Variants in PCSK1 observed in about 807,000 individuals in gnomAD.
PCSK1 encodes neuroendocrine convertase 1.
PCSK1 carries 56 observed loss-of-function variants against 90.6 expected under a neutral mutation model. That is an observed-to-expected ratio of 0.62 (90% confidence interval 0.50 to 0.77). PCSK1 has a LOEUF of 0.77. Among genes scored for constraint, PCSK1 ranks in the 30% least tolerant of loss-of-function variants. PCSK1 has a pLI of 0.00. For missense variants in PCSK1, 801 were observed against 932.6 expected (o/e 0.86, Z 1.84); for synonymous variants, 348 against 342.4 (o/e 1.02, Z -0.18).
At chr5:96,417,890 G>A (rs1035107614) in intron 5 of PCSK1, among the ~76,000 whole-genome samples, 1 of 152,176 alleles carries the variant, frequency 6.6e-6, no homozygotes, top group Non-Finnish European at 1.5e-5. Flanking sequence ...TGTCATCTCT[G>A]AGAAATGTAC....
intron 10 of PCSK1, 121 bp from the exon 11 acceptor site, chr5:96,399,157 A>G: frequency 2.7e-6 from 2 of 729,206 alleles, no homozygotes; most frequent in South Asian, 3.1e-5. Flanking sequence ...ACTCCCTGTG[A>G]TGTGTAGAAC....
At chr5:96,409,856 T>C (rs1006928019) in intron 8 of PCSK1, among the ~76,000 whole-genome samples, 1 of 152,238 alleles carries the variant, frequency 6.6e-6, no homozygotes, top group Admixed American at 6.5e-5. Flanking sequence ...ACAGCTTTAC[T>C]GTCTAAACTA....
At chr5:96,417,805 C>T (rs1479068773) in intron 5 of PCSK1, among the ~76,000 whole-genome samples, 1 of 152,214 alleles carries the variant, frequency 6.6e-6, no homozygotes, top group East Asian at 1.9e-4. Context: ...GTGCACACAT[C>T]TGAACATACA....
In PCSK1 at chr5:96,424,961, C is replaced by CAA. The variant is rs58930420; in HGVS notation, c.396+857_396+858dup. ...CTGGGCAACAAGAGCAAAACTCTGT[C>CAA]AAAAAAAAAAAGAAAGATAGAAAGA... On this transcript the variant is annotated intron_variant, in intron 3 of 13. Coordinates refer to ENST00000311106, the MANE Select transcript of PCSK1 (RefSeq NM_000439.5). 8.1e-4 allele frequency among the ~76,000 whole-genome samples: 77 copies of CAA among 94,760 alleles called. 1 individual carries two copies. Among genetic ancestry groups the CAA allele is most frequent in the South Asian group, 2.4e-3 (7 of 2,954 alleles). 62.2% of individuals were successfully genotyped at this position (94,760 alleles called of 152,430 possible). A position where few individuals can be genotyped will look rare whatever the true frequency, so the allele number is the denominator to read the frequency against.
chr5:96,401,131 A>G (rs1312766943), intron 9 of PCSK1, among the ~76,000 whole-genome samples: 2 of 151,036 alleles, frequency 1.3e-5, no homozygotes, highest in Admixed American at 1.3e-4. Flanking sequence ...CAATCCAGTA[A>G]AAAGAATTAA....
intron 9 of PCSK1, 64 bp downstream of exon 9, chr5:96,408,159 A>G (rs1760634086): frequency 8.6e-7 from 1 of 1,156,880 alleles, no homozygotes; most frequent in Non-Finnish European, 1.3e-6. Context: ...CAGAAAAAAA[A>G]GTGTTATTAA....
chr5:96,407,568 C>T (rs1196181742), intron 9 of PCSK1, among the ~76,000 whole-genome samples: 1 of 152,086 alleles, frequency 6.6e-6, no homozygotes, highest in Non-Finnish European at 1.5e-5. Context: ...ACATGCTTGC[C>T]CTTTGACCCA....
At chr5:96,407,965 A>G (rs1401883879) in intron 9 of PCSK1, among the ~76,000 whole-genome samples, 2 of 152,248 alleles carry the variant, frequency 1.3e-5, no homozygotes, top group South Asian at 2.1e-4. Flanking sequence ...TATGTTTAAT[A>G]TATTGTAGAA....
rs374570375 is a variant in PCSK1, at chr5:96,412,752, G to T, written c.710-262C>A. Among the ~76,000 whole-genome samples the T allele has an allele frequency of 6.5e-3, 469 of 71,806 alleles. 12 individuals are homozygous for T. Among genetic ancestry groups the T allele is most frequent in the African/African-American group, 0.034 (383 of 11,132 alleles). 47.1% of individuals were successfully genotyped at this position (71,806 alleles called of 152,430 possible). ...CATGCACTGTGTAGGCAGCTGTGAT[G>T]TTTTTTTTTTTTTTTTTTTTTTTGG... On this transcript the variant is annotated intron_variant, in intron 6 of 13. Transcript: ENST00000311106.
chr5:96,412,678 G>A (rs1479960540), intron 6 of PCSK1, among the ~76,000 whole-genome samples, 188 bp from the exon 7 acceptor site: 1 of 148,872 alleles, frequency 6.7e-6, no homozygotes, highest in Non-Finnish European at 1.5e-5. Flanking sequence ...ACATGTTGCT[G>A]CCCCCATAAG....
intron 12 of PCSK1, 95 bp from the exon 13 acceptor site, chr5:96,395,120 T>A: frequency 9.9e-7 from 1 of 1,009,472 alleles, no homozygotes; most frequent in Non-Finnish European, 1.6e-6. Context: ...TGTTAAAATC[T>A]CATTTTAAGA....
chr5:96,402,059 C>T (rs1760394682), intron 9 of PCSK1, among the ~76,000 whole-genome samples: 1 of 152,218 alleles, frequency 6.6e-6, no homozygotes, highest in South Asian at 2.1e-4. Flanking sequence ...CCTGTCTCAG[C>T]ACTCGGTTGG....
intron 2 of PCSK1, among the ~76,000 whole-genome samples, chr5:96,428,096 C>T (rs1761375095): frequency 6.6e-6 from 1 of 152,128 alleles, no homozygotes; most frequent in Non-Finnish European, 1.5e-5. Flanking sequence ...ACACTGGTGA[C>T]CCAGGCCATT....
chr5:96,418,538 G>A (rs896338947), intron 5 of PCSK1, among the ~76,000 whole-genome samples: 3 of 152,090 alleles, frequency 2.0e-5, no homozygotes, highest in African/African-American at 7.2e-5. Context: ...GACTTTCAGA[G>A]TAGCATTCAA....
At chr5:96,397,494 A>G in intron 11 of PCSK1, 25 bp from the exon 12 acceptor site, 1 of 1,603,552 alleles carries the variant, frequency 6.2e-7, no homozygotes, top group Non-Finnish European at 8.5e-7. Context: ...CAAGTTAATG[A>G]ATGTCCTAAT....
chr5:96,407,923 G>T (rs574046486), intron 9 of PCSK1, among the ~76,000 whole-genome samples: 1 of 152,274 alleles, frequency 6.6e-6, no homozygotes, highest in African/African-American at 2.4e-5. Context: ...GAGTTTTAAA[G>T]GTCAAAGCAT....
chr5:96,401,206 T>C (rs1292555293), intron 9 of PCSK1, among the ~76,000 whole-genome samples: 1 of 151,036 alleles, frequency 6.6e-6, no homozygotes, highest in East Asian at 1.9e-4. Context: ...GAGTTTAGAG[T>C]AGAAAGAATT....
intron 9 of PCSK1, among the ~76,000 whole-genome samples, chr5:96,407,114 G>C (rs1357701397): frequency 6.6e-6 from 1 of 152,118 alleles, no homozygotes; most frequent in Non-Finnish European, 1.5e-5. Context: ...ATCTAATTTG[G>C]GGTTGTGAAG....
chr5:96,418,681 C>G (rs1042780162), intron 5 of PCSK1, among the ~76,000 whole-genome samples: 1 of 152,136 alleles, frequency 6.6e-6, no homozygotes, highest in Non-Finnish European at 1.5e-5. Context: ...CAAAATGGAG[C>G]CATTCATTTT....
Sources: allele counts gnomAD v4.1 joint callset (sites outside exome capture counted in the v4.1 genomes callset), GRCh38; gene constraint gnomAD v4.1.1; transcripts MANE v1.5; gene names NCBI Gene and HGNC (gene_info 2026-07-23, HGNC 2026-07-21).